The following CRACD variants were observed in gnomAD, a reference collection of about 807,000 sequenced individuals.
CRACD encodes capping protein-inhibiting regulator of actin dynamics.
Under a neutral mutation model 106.8 loss-of-function variants are expected in CRACD, and 56 were observed. The observed-to-expected ratio is 0.52, with a 90% CI of 0.42 to 0.66. The LOEUF (loss-of-function observed/expected upper bound fraction) is 0.66. Ranked by LOEUF, CRACD falls within the 30% of genes least tolerant of loss-of-function variation. The pLI is 0.00. For missense variants in CRACD, 1,730 were observed against 1,623.2 expected (o/e 1.07, Z -1.13); for synonymous variants, 754 against 670.8 (o/e 1.12, Z -1.92).
At chr4:56,183,734 T>C (rs942720846) in intron 2 of CRACD, among the ~76,000 whole-genome samples, 21 of 152,200 alleles carry the variant, frequency 1.4e-4, no homozygotes, top group Non-Finnish European at 2.5e-4. Flanking sequence ...AGGTGCGTGG[T>C]TCGGAGGTTG....
chr4:56,203,054 T>G (rs1212564055), intron 2 of CRACD, among the ~76,000 whole-genome samples: 1 of 152,218 alleles, frequency 6.6e-6, no homozygotes, highest in Non-Finnish European at 1.5e-5. Flanking sequence ...TGATAATGCA[T>G]ATTGCAATAA....
intron 1 of CRACD, among the ~76,000 whole-genome samples, chr4:56,107,347 CCT>C (rs1733983807): frequency 6.6e-6 from 1 of 152,066 alleles, no homozygotes; most frequent in South Asian, 2.1e-4. Flanking sequence ...TCATGTTCCC[CCT>C]CTGTGTAATG....
At position 56,328,268 on chromosome 4, in the gene CRACD, A is replaced by G. The variant is rs1746593727; in HGVS notation, c.*464A>G. Reference sequence around the variant, plus strand: ...TTTCTACAGTAATGGTGAAAGGATCATATCTAGCTAAAAGCAAGAACACCC... The same window carrying G: ...TTTCTACAGTAATGGTGAAAGGATCGTATCTAGCTAAAAGCAAGAACACCC... On this transcript the variant is annotated 3_prime_UTR_variant, in exon 11 of 11. Transcript: ENST00000682029. 1.9e-6 allele frequency: 1 copy of G among 515,802 alleles called. No homozygotes were observed. Among genetic ancestry groups the G allele is most frequent in the Non-Finnish European group, 3.9e-6 (1 of 258,402 alleles). 32.0% of individuals were successfully genotyped at this position (515,802 alleles called of 1,614,324 possible). A position where few individuals can be genotyped will look rare whatever the true frequency, so the allele number is the denominator to read the frequency against.
At chr4:56,189,184 A>C (rs927639419) in intron 2 of CRACD, among the ~76,000 whole-genome samples, 6 of 127,008 alleles carry the variant, frequency 4.7e-5, no homozygotes, top group African/African-American at 1.8e-4. Flanking sequence ...CCACTGTCTC[A>C]AAAAAAAAAA....
At chr4:56,169,448 AC>A (rs1234599295) in intron 1 of CRACD, among the ~76,000 whole-genome samples, 3 of 151,892 alleles carry the variant, frequency 2.0e-5, no homozygotes, top group Non-Finnish European at 4.4e-5. Context: ...AGGTTCATGA[AC>A]CCTTGCCAGG....
intron 1 of CRACD, among the ~76,000 whole-genome samples, chr4:56,161,680 G>A (rs556564644): frequency 1.3e-5 from 2 of 151,790 alleles, no homozygotes; most frequent in South Asian, 2.1e-4. Context: ...GGTTGGTCTC[G>A]AACTCCTGAC....
chr4:56,219,864 A>G (rs986208343), intron 2 of CRACD, among the ~76,000 whole-genome samples: 1 of 152,310 alleles, frequency 6.6e-6, no homozygotes, highest in Non-Finnish European at 1.5e-5. Flanking sequence ...TGTGTTTAGT[A>G]AGAAGTTGTA....
intron 1 of CRACD, among the ~76,000 whole-genome samples, chr4:56,176,696 A>G (rs1736599787): frequency 6.6e-6 from 1 of 152,098 alleles, no homozygotes; most frequent in South Asian, 2.1e-4. Flanking sequence ...TGGCCTCCCA[A>G]AGTGCTGGTA....
At position 56,153,868 on chromosome 4, in the gene CRACD, T is replaced by C. The variant is rs1305048365; in HGVS notation, c.-335-25416T>C. Among the ~76,000 whole-genome samples, 3 of 152,214 alleles carry C rather than the reference T, an allele frequency of 2.0e-5. No individual in the cohort carries two copies. In the East Asian group the frequency reaches 5.8e-4, roughly 29 times the overall value. ...CCTTTACTAGCTACACTCATCTTAA[T>C]TGCCCCCTACTCAGATGGGTCTTCC... On this transcript the variant is annotated intron_variant, in intron 1 of 10. Transcript: ENST00000682029.
At chr4:56,202,207 T>C (rs1284446647) in intron 2 of CRACD, among the ~76,000 whole-genome samples, 1 of 152,210 alleles carries the variant, frequency 6.6e-6, no homozygotes, top group Non-Finnish European at 1.5e-5. Flanking sequence ...AAAAATTGAC[T>C]ATGAGTGATT....
At chr4:56,323,971 TA>T (rs1340901743) in intron 9 of CRACD, 132 bp from the exon 10 acceptor site, 10 of 960,276 alleles carry the variant, frequency 1.0e-5, no homozygotes, top group Non-Finnish European at 1.4e-5. Context: ...ACATGGCTCA[TA>T]CATGTAATCC....
chr4:56,308,750 C>T (rs1744929128), intron 5 of CRACD: 2 of 985,234 alleles, frequency 2.0e-6, no homozygotes, highest in Non-Finnish European at 2.4e-6. Flanking sequence ...GGGATGGGCC[C>T]ATCTCTCCCG....
rs754997462 is a variant in CRACD, at chr4:56,329,604, A to G, written c.*1800A>G. 3.9e-5 allele frequency among the ~76,000 whole-genome samples: 6 copies of G among 152,166 alleles called. No homozygotes were observed. The highest frequency in any genetic ancestry group is 1.2e-4 in the African/African-American group (5 of 41,452). ...ATCAATGTAACCTTTTTTTATTGCT[A>G]TGGCAAGCAATTAGTATTTCACTGC... On this transcript the variant is annotated 3_prime_UTR_variant, in exon 11 of 11. Transcript: ENST00000682029.
At chr4:56,287,852 A>G (rs1743460201) in intron 3 of CRACD, among the ~76,000 whole-genome samples, 1 of 152,222 alleles carries the variant, frequency 6.6e-6, no homozygotes, top group Non-Finnish European at 1.5e-5. Flanking sequence ...TTCTAAACCC[A>G]TAATGAGTTA....
chr4:56,217,504 G>A (rs770191072), intron 2 of CRACD, among the ~76,000 whole-genome samples: 4 of 152,170 alleles, frequency 2.6e-5, no homozygotes, highest in Non-Finnish European at 5.9e-5. Flanking sequence ...GGTTGAAAGA[G>A]TTTATTAAAG....
chr4:56,064,210 G>GT (rs1175788992), intron 1 of CRACD, among the ~76,000 whole-genome samples: 2 of 152,182 alleles, frequency 1.3e-5, no homozygotes, highest in Admixed American at 6.5e-5. Context: ...TTGTTGTCGA[G>GT]TTGTGGGAAT....
intron 1 of CRACD, among the ~76,000 whole-genome samples, chr4:56,145,055 T>C (rs1434455342): frequency 6.6e-6 from 1 of 152,190 alleles, no homozygotes; most frequent in Non-Finnish European, 1.5e-5. Flanking sequence ...CCCAAAGTGC[T>C]GAGATTACAA....
rs951397783 is a variant in CRACD, at chr4:56,168,972, T to C, written c.-335-10312T>C. On this transcript the variant is annotated intron_variant, in intron 1 of 10. Coordinates refer to ENST00000682029, the MANE Select transcript of CRACD (RefSeq NM_001393381.1). ...GTCATCAGTAGTTCAGCAACAAACT[T>C]CACAAGCCAATATATTAAACAAGTC... 4.6e-5 allele frequency among the ~76,000 whole-genome samples: 7 copies of C among 152,160 alleles called. No homozygotes were observed. In the South Asian group the frequency reaches 1.2e-3, roughly 27 times the overall value.
At chr4:56,075,076 G>C (rs1732794291) in intron 1 of CRACD, among the ~76,000 whole-genome samples, 1 of 152,162 alleles carries the variant, frequency 6.6e-6, no homozygotes, top group Non-Finnish European at 1.5e-5. Context: ...TGTGCTGTTG[G>C]ATTTGGTTTG....
Sources: gnomAD v4.1 joint callset for allele counts (sites outside exome capture counted in the v4.1 genomes callset) on GRCh38, gnomAD v4.1.1 for gene constraint, MANE v1.5 for transcripts, NCBI Gene and HGNC (gene_info 2026-07-23, HGNC 2026-07-21) for gene names.